Variants in TMEM30A observed in about 807,000 individuals in gnomAD.
The protein encoded by TMEM30A is cell cycle control protein 50A.
TMEM30A carries 24 observed loss-of-function variants against 38.2 expected under a neutral mutation model. The ratio of observed to expected loss-of-function variants is 0.63; its 90% CI spans 0.46 to 0.88. The LOEUF is 0.88. Ranked by LOEUF, TMEM30A falls within the 40% of genes least tolerant of loss-of-function variation. The pLI is 0.00. For synonymous variants in TMEM30A, 145 were observed against 161.6 expected (o/e 0.90, Z 0.78); for missense variants, 370 against 458.6 (o/e 0.81, Z 1.77).
chr6:75,263,312 G>A (rs187923451), intron 3 of TMEM30A, among the ~76,000 whole-genome samples: 2 of 152,328 alleles, frequency 1.3e-5, no homozygotes, highest in Admixed American at 1.3e-4. Context: ...GCATAGCTCA[G>A]ATCATCCTGA....
At position 75,257,858 on chromosome 6, in the gene TMEM30A, TC is replaced by T. The variant is rs1455872101; in HGVS notation, c.892+921del. 5.3e-5 allele frequency among the ~76,000 whole-genome samples: 8 copies of T among 152,316 alleles called. No individual in the cohort carries two copies. The South Asian group carries it at 1.2e-3, about 24-fold the overall frequency. On this transcript the variant is annotated intron_variant, in intron 6 of 6. Transcript: ENST00000230461. ...GATTATGGAAATAAAAATGCAAAGA[TC>T]AGCAAACATTTACAATTCTAATATT...
rs553265214 is a variant in TMEM30A at position 75,268,527 on chromosome 6, T to C, written c.238-779A>G. 2.6e-5 allele frequency among the ~76,000 whole-genome samples: 4 copies of C among 152,320 alleles called. No homozygotes were observed. In the South Asian group the frequency reaches 6.2e-4, roughly 24 times the overall value. On this transcript the variant is annotated intron_variant, in intron 1 of 6. Transcript: ENST00000230461. The stretch of plus-strand genomic sequence containing the variant: ...ACTGAAGTGAAGGACAGCTTTCTGG[T>C]TGGTGAATCCACTAATGTGCTGGGA...
At chr6:75,277,737 C>T (rs1207958404) in intron 1 of TMEM30A, among the ~76,000 whole-genome samples, 1 of 152,116 alleles carries the variant, frequency 6.6e-6, no homozygotes, top group Non-Finnish European at 1.5e-5. Context: ...AGACCCCCAT[C>T]TCTAGCAAAA....
intron 3 of TMEM30A, among the ~76,000 whole-genome samples, chr6:75,264,592 C>T (rs985322008): frequency 5.9e-5 from 9 of 151,540 alleles, no homozygotes; most frequent in African/African-American, 7.3e-5. Context: ...GCCGAGGTCG[C>T]GCCACTGCAC....
intron 2 of TMEM30A, among the ~76,000 whole-genome samples, chr6:75,267,419 T>C (rs1260951608): frequency 6.6e-6 from 1 of 152,198 alleles, no homozygotes; most frequent in African/African-American, 2.4e-5. Flanking sequence ...TTAAATTTTG[T>C]CTACAAAGTA....
At chr6:75,265,034 T>TGCA (rs1772043869) in intron 3 of TMEM30A, among the ~76,000 whole-genome samples, 197 bp downstream of exon 3, 2 of 151,210 alleles carry the variant, frequency 1.3e-5, no homozygotes, top group South Asian at 4.2e-4. Context: ...GGGGTGGAGG[T>TGCA]TGCAGTGAGC....
intron 3 of TMEM30A, among the ~76,000 whole-genome samples, chr6:75,264,220 A>G (rs575701420): frequency 6.6e-6 from 1 of 152,374 alleles, no homozygotes; most frequent in East Asian, 1.9e-4. Context: ...TATATTTTAC[A>G]TTTCGGAGGC....
At chr6:75,259,297 T>A (rs1771922578) in intron 5 of TMEM30A, 50 bp downstream of exon 5, 1 of 1,534,404 alleles carries the variant, frequency 6.5e-7, no homozygotes, top group Non-Finnish European at 8.8e-7. Context: ...TTAAAATACT[T>A]CATTAAAACT....
chr6:75,274,903 C>G (rs240404), intron 1 of TMEM30A, among the ~76,000 whole-genome samples: 136,742 of 151,900 alleles, frequency 0.9, 61,995 homozygotes, highest in East Asian at 0.98. Context: ...CCCAGCTACT[C>G]AGGAGGCTGA....
chr6:75,283,050 GA>G (rs369262804), intron 1 of TMEM30A, among the ~76,000 whole-genome samples: 145 of 151,780 alleles, frequency 9.6e-4, no homozygotes, highest in African/African-American at 3.2e-3. Context: ...AATACATGCT[GA>G]AAAAAAATAC....
At chr6:75,274,996 T>C (rs1562397108) in intron 1 of TMEM30A, among the ~76,000 whole-genome samples, 1 of 129,632 alleles carries the variant, frequency 7.7e-6, no homozygotes, top group Non-Finnish European at 1.6e-5. Flanking sequence ...GGGTGACAGA[T>C]CGAGACTCTG....
At position 75,259,002 on chromosome 6, in the gene TMEM30A, G is replaced by C. The variant is rs1428043837; in HGVS notation, c.686-16C>G. ...TTTGTTGTACCTTAAAAGGAGTGGG[G>C]AGGGGATAAGGAGACAAAATATTAC... On this transcript the variant is annotated splice_polypyrimidine_tract_variant and intron_variant, in intron 5 of 6. Transcript: ENST00000230461. 6.2e-7 allele frequency: 1 copy of C among 1,602,642 alleles called. No homozygotes were observed. The highest frequency in any genetic ancestry group is 1.3e-5 in the African/African-American group (1 of 74,540).
Position 75,259,451 on chromosome 6 carries a change from G to A in TMEM30A, c.581C>T (p.Pro194Leu), listed in dbSNP as rs1388744715. The A allele has an allele frequency of 1.2e-6, 2 of 1,609,092 alleles. No homozygotes were observed. Among genetic ancestry groups the A allele is most frequent in the African/African-American group, 1.3e-5 (1 of 74,686 alleles). ...ELFLIGNDSY[P>L]IPIALKKKGI... ...TTTCTTTTTCAAAGCGATAGGTATA[G>A]GATAAGAATCATTGCCAATGAGAAA... is the stretch of plus-strand genomic sequence containing the variant. Residue 194 changes from proline to leucine, a missense_variant, in exon 5 of 7, where the codon CCT becomes CTT. Coordinates refer to ENST00000230461, the MANE Select transcript of TMEM30A (RefSeq NM_018247.4).
At position 75,284,698 on chromosome 6, in the gene TMEM30A, G is replaced by C; in HGVS notation, c.-60C>G. ...GGACCACCCAGGGGGCCCGCCGGCT[G>C]ACCCTGACAGGAACCGCTCGAGCGC... On this transcript the variant is annotated 5_prime_UTR_variant, in exon 1 of 7. Coordinates refer to ENST00000230461, the MANE Select transcript of TMEM30A (RefSeq NM_018247.4). 1 of 1,564,458 alleles carries C rather than the reference G, an allele frequency of 6.4e-7. No homozygotes were observed. Among genetic ancestry groups the C allele is most frequent in the Non-Finnish European group, 8.7e-7 (1 of 1,143,522 alleles).
chr6:75,262,825 C>T (rs1050583352), intron 3 of TMEM30A, among the ~76,000 whole-genome samples: 48 of 152,184 alleles, frequency 3.2e-4, no homozygotes, highest in African/African-American at 8.0e-4. Context: ...AACTATCATA[C>T]GAAATAAGAG....
intron 4 of TMEM30A, among the ~76,000 whole-genome samples, chr6:75,260,420 G>GA (rs796519544): frequency 3.8e-4 from 56 of 149,016 alleles, no homozygotes; most frequent in African/African-American, 1.3e-3. Flanking sequence ...AAAGAAAAAG[G>GA]AAAAAAAAAA....
chr6:75,265,454 G>A (rs1772053602), intron 2 of TMEM30A, 116 bp from the exon 3 acceptor site: 3 of 489,644 alleles, frequency 6.1e-6, no homozygotes, highest in Non-Finnish European at 1.1e-5. Context: ...ATTTGTGATA[G>A]GTAGTGGGGT....
intron 1 of TMEM30A, among the ~76,000 whole-genome samples, chr6:75,280,514 G>A (rs189551053): frequency 6.6e-6 from 1 of 152,220 alleles, no homozygotes; most frequent in Admixed American, 6.5e-5. Context: ...ATACTAATGA[G>A]AAGAATGGAA....
intron 1 of TMEM30A, among the ~76,000 whole-genome samples, chr6:75,279,959 A>T (rs1326487713): frequency 6.6e-6 from 1 of 152,324 alleles, no homozygotes; most frequent in African/African-American, 2.4e-5. Context: ...GTTAAAAATC[A>T]TATTTTAAGT....
Sources: allele counts gnomAD v4.1 joint callset (sites outside exome capture counted in the v4.1 genomes callset), GRCh38; gene constraint gnomAD v4.1.1; transcripts MANE v1.5; gene names NCBI Gene and HGNC (gene_info 2026-07-23, HGNC 2026-07-21).